Variants in COL3A1 observed in about 807,000 individuals in gnomAD.
The protein encoded by COL3A1 is collagen type III alpha 1 chain.
In COL3A1, 46 loss-of-function variants were observed where a neutral mutation model predicts 200.9. The ratio of observed to expected loss-of-function variants is 0.23; its 90% CI spans 0.18 to 0.29. COL3A1 has a LOEUF of 0.29. Ranked by LOEUF, COL3A1 falls within the 10% of genes least tolerant of loss-of-function variation. The probability of loss-of-function intolerance (pLI) is 1.00; values close to 1 mark genes in which losing one functional copy is unlikely to be tolerated. For missense variants in COL3A1, 1,367 were observed against 1,917.6 expected (o/e 0.71, Z 5.36); for synonymous variants, 650 against 628.0 (o/e 1.03, Z -0.52).
At chr2:188,975,640 A>G (rs1377461834) in intron 1 of COL3A1, among the ~76,000 whole-genome samples, 1 of 152,216 alleles carries the variant, frequency 6.6e-6, no homozygotes, top group Admixed American at 6.5e-5. Flanking sequence ...TGTTTGTAAT[A>G]TCAAATGTAT....
chr2:188,988,323 CA>C (rs1413869708), intron 6 of COL3A1, among the ~76,000 whole-genome samples, 189 bp downstream of exon 6: 1 of 152,084 alleles, frequency 6.6e-6, no homozygotes, highest in East Asian at 1.9e-4. Context: ...CAGTTATTAG[CA>C]ATTGAAATCT....
intron 21 of COL3A1, 157 bp from the exon 22 acceptor site, chr2:188,995,535 C>T (rs888983629): frequency 1.6e-6 from 1 of 606,438 alleles, no homozygotes; most frequent in South Asian, 2.2e-5. Context: ...TATGGCAATC[C>T]AAGCTAAGAT....
At chr2:189,006,165 G>A (rs1046931818) in intron 41 of COL3A1, 41 bp from the exon 42 acceptor site, 8 of 1,604,626 alleles carry the variant, frequency 5.0e-6, no homozygotes, top group Non-Finnish European at 6.8e-6. Flanking sequence ...GCATTTGGAA[G>A]GTTTCAAGAA....
intron 45 of COL3A1, 50 bp from the exon 46 acceptor site, chr2:189,007,835 C>T: frequency 6.3e-7 from 1 of 1,597,112 alleles, no homozygotes; most frequent in Non-Finnish European, 8.6e-7. Flanking sequence ...GTACAGTTTC[C>T]CAGTGCTTTT....
In COL3A1 at chr2:188,998,338, T is replaced by C. The variant is rs1688375431; in HGVS notation, c.1977+19T>C. 1.2e-6 allele frequency: 2 copies of C among 1,609,494 alleles called. No individual in the cohort carries two copies. The highest frequency in any genetic ancestry group is 1.7e-6 in the Non-Finnish European group (2 of 1,176,456). On this transcript the variant is annotated intron_variant, in intron 28 of 50. Coordinates refer to ENST00000304636, the MANE Select transcript of COL3A1 (RefSeq NM_000090.4). ...GGAACCAGTAAGTTACGTTTCATTA[T>C]TCAAAACTCAGAAACAAAAAGAATA...
At chr2:188,979,133 G>T (rs1157721387) in intron 1 of COL3A1, among the ~76,000 whole-genome samples, 2 of 151,938 alleles carry the variant, frequency 1.3e-5, no homozygotes, top group African/African-American at 4.8e-5. Flanking sequence ...ATTATTAAAA[G>T]TTAAACTTCC....
In COL3A1 at chr2:189,006,193, A is replaced by AT. The variant is rs1289904509; in HGVS notation, c.3040-7dup. On this transcript the variant is annotated splice_polypyrimidine_tract_variant and intron_variant, in intron 41 of 50. Transcript: ENST00000304636. The stretch of plus-strand genomic sequence containing the variant: ...TTCAAGAAATTTTATTTCCTTTCTC[A>AT]TTTTTTAATCAGGGAAACCCTGGAT... The AT allele has an allele frequency of 5.6e-6, 9 of 1,613,994 alleles. No individual in the cohort carries two copies. The highest frequency in any genetic ancestry group is 2.2e-5 in the East Asian group (1 of 44,888).
At chr2:188,980,059 A>G (rs1315433960) in intron 1 of COL3A1, among the ~76,000 whole-genome samples, 2 of 151,686 alleles carry the variant, frequency 1.3e-5, no homozygotes, top group East Asian at 1.9e-4. Flanking sequence ...ACGCTGGCAA[A>G]TAAAATTACT....
At chr2:188,992,106 C>A in intron 13 of COL3A1, 78 bp from the exon 14 acceptor site, 2 of 1,421,758 alleles carry the variant, frequency 1.4e-6, no homozygotes, top group Admixed American at 1.7e-5. Flanking sequence ...TCACTTGAGT[C>A]AGAATTTTGG....
In COL3A1 at chr2:188,997,841, A is replaced by G. The variant is rs1688364794; in HGVS notation, c.1923+88A>G. The G allele has an allele frequency of 3.4e-6, 4 of 1,178,448 alleles. No homozygotes were observed. The South Asian group carries it at 5.1e-5, about 15-fold the overall frequency. 73.0% of individuals were successfully genotyped at this position (1,178,448 alleles called of 1,614,324 possible). A position where few individuals can be genotyped will look rare whatever the true frequency, so the allele number is the denominator to read the frequency against. On this transcript the variant is annotated intron_variant, in intron 27 of 50. Transcript: ENST00000304636. Reference sequence around the variant, plus strand: ...TAGATTATAATTTATCTGAAGCTTAACTTGTGATTCTGTCTTTCATCTGGA... The same window carrying G: ...TAGATTATAATTTATCTGAAGCTTAGCTTGTGATTCTGTCTTTCATCTGGA...
At chr2:188,993,945 T>C in intron 16 of COL3A1, 93 bp from the exon 17 acceptor site, 1 of 1,173,448 alleles carries the variant, frequency 8.5e-7, no homozygotes, top group Non-Finnish European at 1.3e-6. Context: ...AGCATAACAC[T>C]CATCGATACA....
rs1410930541 is a variant in COL3A1 at position 188,998,752 on chromosome 2, C to T, written c.2022+34C>T. ...TCAATTTATTCTCTACCTTCTTCAG[C>T]AGGTTATAGAGCAATTGATTAGTAG... On this transcript the variant is annotated intron_variant, in intron 29 of 50. Coordinates refer to ENST00000304636, the MANE Select transcript of COL3A1 (RefSeq NM_000090.4). The T allele has an allele frequency of 5.0e-6, 8 of 1,592,738 alleles. No homozygotes were observed. In the East Asian group the frequency reaches 1.1e-4, roughly 22 times the overall value.
intron 26 of COL3A1, 43 bp downstream of exon 26, chr2:188,997,432 G>A (rs761848608): frequency 3.8e-6 from 6 of 1,570,668 alleles, no homozygotes; most frequent in East Asian, 4.5e-5. Context: ...ATAGGGTGGA[G>A]GTGGGGCAGG....
At chr2:188,977,057 G>A (rs1687835728) in intron 1 of COL3A1, among the ~76,000 whole-genome samples, 1 of 152,028 alleles carries the variant, frequency 6.6e-6, no homozygotes, top group African/African-American at 2.4e-5. Context: ...AAAACACAAT[G>A]GTAACAATAT....
intron 5 of COL3A1, 99 bp from the exon 6 acceptor site, chr2:188,987,981 TG>T: frequency 1.1e-6 from 1 of 879,388 alleles, no homozygotes; most frequent in Non-Finnish European, 1.9e-6. Context: ...GAGATATAGT[TG>T]TTCATAGTTT....
At chr2:189,007,628 G>T (rs376559659) in intron 45 of COL3A1, 21 bp downstream of exon 45, 1 of 1,583,966 alleles carries the variant, frequency 6.3e-7, no homozygotes. Flanking sequence ...TCATTTTGTT[G>T]GAAAATCCCT....
intron 2 of COL3A1, 112 bp downstream of exon 2, chr2:188,985,074 T>A (rs1045547382): frequency 7.1e-7 from 1 of 1,398,900 alleles, no homozygotes; most frequent in Non-Finnish European, 1.0e-6. Context: ...CAAATAGCCA[T>A]GTTTGTATTA....
intron 35 of COL3A1, 32 bp downstream of exon 35, chr2:189,002,383 A>C (rs773117054): frequency 6.3e-7 from 1 of 1,592,938 alleles, no homozygotes; most frequent in South Asian, 1.1e-5. Context: ...TACATGTCCC[A>C]TAGCCCAGGA....
At position 189,010,356 on chromosome 2, in the gene COL3A1, T is replaced by C; in HGVS notation, c.4002T>C (p.Gly1334=). 6.2e-7 allele frequency: 1 copy of C among 1,614,124 alleles called. No individual in the cohort carries two copies. Among genetic ancestry groups the C allele is most frequent in the Non-Finnish European group, 8.5e-7 (1 of 1,179,992 alleles). ...TTTGGTTTGGAGAGTCCATGGATGG[T>C]GGTTTTCAGGTAGGAAAGGATATAC... ...KHVWFGESMD[G]GFQFSYGNPE... The change falls in exon 49 of 51, where the codon GGT becomes GGC. Residue 1334 remains glycine (G), a synonymous_variant. Coordinates refer to ENST00000304636, the MANE Select transcript of COL3A1 (RefSeq NM_000090.4).
Sources: allele counts gnomAD v4.1 joint callset (sites outside exome capture counted in the v4.1 genomes callset), GRCh38; gene constraint gnomAD v4.1.1; transcripts MANE v1.5; gene names NCBI Gene and HGNC (gene_info 2026-07-23, HGNC 2026-07-21).